The following SUGCT variants were observed in gnomAD, a reference collection of about 807,000 sequenced individuals.
The protein encoded by SUGCT is succinyl-CoA:glutarate-CoA transferase, also known as succinyl-CoA:glutarate CoA-transferase.
Under a neutral mutation model 55.0 loss-of-function variants are expected in SUGCT, and 41 were observed. The ratio of observed to expected loss-of-function variants is 0.74; its 90% CI spans 0.58 to 0.97. SUGCT has a LOEUF of 0.97. Among genes scored for constraint, SUGCT ranks in the 50% least tolerant of loss-of-function variants. The pLI, the probability that SUGCT is intolerant of heterozygous loss-of-function variation, is 0.00. For synonymous variants in SUGCT, 187 were observed against 200.4 expected, an observed-to-expected ratio of 0.93 and a Z score of 0.56; for missense variants, 568 against 547.8, an observed-to-expected ratio of 1.04 and a Z score of -0.37.
chr7:40,741,592 A>G (rs1787465391), intron 12 of SUGCT, among the ~76,000 whole-genome samples: 1 of 152,268 alleles, frequency 6.6e-6, no homozygotes, highest in African/African-American at 2.4e-5. Flanking sequence ...ATGCCATAGC[A>G]AATCTAGCTC....
chr7:40,428,522 C>CTGTGTG (rs56017526), intron 9 of SUGCT, among the ~76,000 whole-genome samples: 7 of 149,280 alleles, frequency 4.7e-5, no homozygotes, highest in East Asian at 3.9e-4. Context: ...TCTGTCTCTG[C>CTGTGTG]TGTGTGTGTG....
chr7:40,464,019 C>A (rs1249970142), intron 11 of SUGCT, among the ~76,000 whole-genome samples: 2 of 151,972 alleles, frequency 1.3e-5, no homozygotes, highest in African/African-American at 2.4e-5. Flanking sequence ...ATAGTTAGGA[C>A]CCCAAGAGAG....
chr7:40,392,722 A>G (rs1338543112), intron 9 of SUGCT, among the ~76,000 whole-genome samples: 1 of 152,236 alleles, frequency 6.6e-6, no homozygotes. Flanking sequence ...TAGGAGAGAC[A>G]AAACTGGAGG....
chr7:40,734,382 T>C (rs1386814961), intron 12 of SUGCT, among the ~76,000 whole-genome samples: 1 of 152,248 alleles, frequency 6.6e-6, no homozygotes, highest in African/African-American at 2.4e-5. Context: ...TGCTGTCAGA[T>C]AGACACCTTT....
At chr7:40,634,041 G>A (rs1223197950) in intron 12 of SUGCT, among the ~76,000 whole-genome samples, 2 of 152,080 alleles carry the variant, frequency 1.3e-5, no homozygotes, top group Non-Finnish European at 2.9e-5. Flanking sequence ...CTCTTATTCT[G>A]ATTCTTGCCT....
At chr7:40,799,003 C>T (rs1348483936) in intron 13 of SUGCT, among the ~76,000 whole-genome samples, 1 of 152,198 alleles carries the variant, frequency 6.6e-6, no homozygotes. Context: ...AGGAAGATTG[C>T]TGTAGACTTA....
chr7:40,394,511 T>A (rs1785613281), intron 9 of SUGCT, among the ~76,000 whole-genome samples: 1 of 152,236 alleles, frequency 6.6e-6, no homozygotes, highest in Non-Finnish European at 1.5e-5. Context: ...TTGTGCAACA[T>A]GATGTTATGA....
At chr7:40,932,195 C>T in the SUGCT span, among the ~76,000 whole-genome samples, 1 of 152,148 alleles carries the variant, frequency 6.6e-6, no homozygotes. Flanking sequence ...AGTAGTCATT[C>T]AGGAGCAGGT....
At chr7:40,388,660 C>T (rs1785248349) in intron 9 of SUGCT, among the ~76,000 whole-genome samples, 1 of 152,130 alleles carries the variant, frequency 6.6e-6, no homozygotes, top group Non-Finnish European at 1.5e-5. Flanking sequence ...AAGTGATGTG[C>T]CTGCCGTGGC....
intron 12 of SUGCT, among the ~76,000 whole-genome samples, chr7:40,625,237 C>G (rs910229169): frequency 6.6e-6 from 1 of 152,238 alleles, no homozygotes; most frequent in Middle Eastern, 3.4e-3. Context: ...CTGACCTAGA[C>G]GTGGAACTCA....
At chr7:40,457,893 G>T (rs977824074) in intron 10 of SUGCT, among the ~76,000 whole-genome samples, 1 of 152,194 alleles carries the variant, frequency 6.6e-6, no homozygotes, top group African/African-American at 2.4e-5. Context: ...CGGAGGGAGG[G>T]TGTCTAACTG....
chr7:40,817,923 G>A (rs1012757707), intron 13 of SUGCT, among the ~76,000 whole-genome samples: 1 of 152,148 alleles, frequency 6.6e-6, no homozygotes, highest in Non-Finnish European at 1.5e-5. Context: ...TAATATAATG[G>A]TTGCTAGGTG....
chr7:41,015,681 T>C, the SUGCT span, among the ~76,000 whole-genome samples: 1 of 152,158 alleles, frequency 6.6e-6, no homozygotes, highest in African/African-American at 2.4e-5. Flanking sequence ...GTAATGAAAC[T>C]TTCTATAGGA....
At chr7:40,241,648 G>C (rs143886094) in intron 7 of SUGCT, among the ~76,000 whole-genome samples, 1 of 151,122 alleles carries the variant, frequency 6.6e-6, no homozygotes, top group Non-Finnish European at 1.5e-5. Context: ...ATGGCCTGGC[G>C]TTGTGGCTCA....
intron 12 of SUGCT, among the ~76,000 whole-genome samples, chr7:40,590,763 G>T (rs1797670524): frequency 6.6e-6 from 1 of 152,132 alleles, no homozygotes; most frequent in Non-Finnish European, 1.5e-5. Context: ...TGACAATTCT[G>T]CAAATCTTAG....
At chr7:40,240,040 ATATT>A (rs905980083) in intron 7 of SUGCT, among the ~76,000 whole-genome samples, 63 of 152,318 alleles carry the variant, frequency 4.1e-4, no homozygotes, top group African/African-American at 1.4e-3. Context: ...TTAGCAGAAA[ATATT>A]TATTACATGC....
At chr7:40,343,234 G>T (rs1478297264) in intron 9 of SUGCT, among the ~76,000 whole-genome samples, 3 of 151,838 alleles carry the variant, frequency 2.0e-5, no homozygotes, top group Non-Finnish European at 4.4e-5. Flanking sequence ...ATAGTTATTA[G>T]AAATTATTAT....
In SUGCT at chr7:40,227,952, G is replaced by A. The variant is rs569395835; in HGVS notation, c.485-9683G>A. 3.1e-4 allele frequency among the ~76,000 whole-genome samples: 47 copies of A among 151,430 alleles called. 1 individual carries two copies. The highest frequency in any genetic ancestry group is 1.1e-3 in the African/African-American group (44 of 41,262). ...GGCTGGAGTGCAATGGCACCATCTCGGCTCACTGCAATCTCCGCCTCCTGG... is the reference window on the plus strand; with the variant it reads ...GGCTGGAGTGCAATGGCACCATCTCAGCTCACTGCAATCTCCGCCTCCTGG... On this transcript the variant is annotated intron_variant, in intron 6 of 13. Transcript: ENST00000335693.
At chr7:40,530,267 T>C (rs1284163082) in intron 12 of SUGCT, among the ~76,000 whole-genome samples, 1 of 152,226 alleles carries the variant, frequency 6.6e-6, no homozygotes, top group East Asian at 1.9e-4. Flanking sequence ...TGTTCTATAA[T>C]TTTTAGCGAC....
Sources: allele counts gnomAD v4.1 joint callset (sites outside exome capture counted in the v4.1 genomes callset), GRCh38; gene constraint gnomAD v4.1.1; transcripts MANE v1.5; gene names NCBI Gene and HGNC (gene_info 2026-07-23, HGNC 2026-07-21).